DDHD1: variants seen among roughly 807,000 people sequenced by gnomAD.
DDHD1 encodes phospholipase DDHD1.
Under a neutral mutation model 96.4 loss-of-function variants are expected in DDHD1, and 49 were observed. The observed-to-expected ratio is 0.51, with a 90% confidence interval of 0.40 to 0.64. DDHD1 has a LOEUF of 0.64. DDHD1 is among the 30% of genes least tolerant of loss of function. The pLI is 0.00. For synonymous variants in DDHD1, 442 were observed against 446.5 expected, an observed-to-expected ratio of 0.99 and a Z score of 0.13; for missense variants, 1,106 against 1,161.2, an observed-to-expected ratio of 0.95 and a Z score of 0.69.
At chr14:53,108,953 T>C (rs1273457598) in intron 1 of DDHD1, among the ~76,000 whole-genome samples, 2 of 152,236 alleles carry the variant, frequency 1.3e-5, no homozygotes, top group African/African-American at 2.4e-5. Context: ...CAAATTTTTA[T>C]ATTCCTCTTA....
intron 6 of DDHD1, among the ~76,000 whole-genome samples, chr14:53,063,714 ATGAT>A (rs1412404240): frequency 1.3e-5 from 2 of 152,110 alleles, no homozygotes; most frequent in African/African-American, 2.4e-5. Context: ...AGGCCACTGA[ATGAT>A]TGAAGAAAAA....
intron 4 of DDHD1, among the ~76,000 whole-genome samples, chr14:53,082,877 C>A (rs571598161): frequency 6.6e-6 from 1 of 151,074 alleles, no homozygotes; most frequent in East Asian, 1.9e-4. Flanking sequence ...TCAAGCAATC[C>A]AAAATACATT....
chr14:53,072,771 A>T, intron 5 of DDHD1, 68 bp from the exon 6 acceptor site: 4 of 1,012,082 alleles, frequency 4.0e-6, no homozygotes, highest in Non-Finnish European at 5.9e-6. Context: ...GTAATAGTGA[A>T]GAAAATTACG....
chr14:53,099,218 C>T (rs1280695776), intron 2 of DDHD1, among the ~76,000 whole-genome samples: 4 of 152,100 alleles, frequency 2.6e-5, no homozygotes, highest in Admixed American at 2.6e-4. Context: ...TATCCTTCAT[C>T]CAGCTTCTCC....
intron 1 of DDHD1, among the ~76,000 whole-genome samples, chr14:53,112,098 C>T (rs1267449367): frequency 6.6e-6 from 1 of 152,108 alleles, no homozygotes; most frequent in Non-Finnish European, 1.5e-5. Context: ...TACTGCTAAT[C>T]TGTATCAGTC....
chr14:53,106,729 A>G (rs1274874627), intron 1 of DDHD1, among the ~76,000 whole-genome samples: 1 of 152,130 alleles, frequency 6.6e-6, no homozygotes, highest in Non-Finnish European at 1.5e-5. Context: ...CCCTCTCAAG[A>G]GGCCCAGGAA....
At chr14:53,053,182 G>A (rs534230727) in intron 11 of DDHD1, 1 of 151,896 alleles carries the variant, frequency 6.6e-6, no homozygotes, top group South Asian at 2.1e-4. Flanking sequence ...AAAATTCTTT[G>A]AAATTAATTT....
intron 1 of DDHD1, among the ~76,000 whole-genome samples, chr14:53,151,635 A>G (rs1392194985): frequency 1.3e-5 from 2 of 152,232 alleles, no homozygotes; most frequent in East Asian, 3.8e-4. Flanking sequence ...TTCAAGGTTA[A>G]GATGCAAACA....
chr14:53,090,576 G>C (rs1485130821), intron 4 of DDHD1, among the ~76,000 whole-genome samples: 2 of 152,178 alleles, frequency 1.3e-5, no homozygotes, highest in Non-Finnish European at 1.5e-5. Flanking sequence ...CCTTTGTATG[G>C]ACATGGATGT....
chr14:53,134,402 A>G (rs1463282938), intron 1 of DDHD1, among the ~76,000 whole-genome samples: 1 of 151,984 alleles, frequency 6.6e-6, no homozygotes, highest in Non-Finnish European at 1.5e-5. Flanking sequence ...ACGAAGTCCT[A>G]TTCTTTACTT....
chr14:53,108,659 A>C (rs1887880258), intron 1 of DDHD1, among the ~76,000 whole-genome samples: 1 of 152,242 alleles, frequency 6.6e-6, no homozygotes, highest in South Asian at 2.1e-4. Context: ...CTGAAACTGC[A>C]GAAAGCGAAA....
intron 1 of DDHD1, among the ~76,000 whole-genome samples, chr14:53,118,639 C>G (rs1405029043): frequency 4.6e-5 from 7 of 152,040 alleles, no homozygotes; most frequent in Non-Finnish European, 8.8e-5. Context: ...ACAAACAAAG[C>G]CTCCAAGAAA....
rs1173615103 is a variant in DDHD1 at position 53,044,684 on chromosome 14, G to A, written c.*2084C>T. The A allele has an allele frequency of 4.6e-5, 7 of 152,150 alleles. No homozygotes were observed. The allele number at this position is 152,150 out of a possible 1,614,324, so 9.4% of individuals were successfully genotyped here. A position where few individuals can be genotyped will look rare whatever the true frequency, so the allele number is the denominator to read the frequency against. ...TTTCATCAAAAGCCTTTTATAGCAA[G>A]GGTTTCTTAGTGAGTCACATACTTG... On this transcript the variant is annotated 3_prime_UTR_variant, in exon 13 of 13. Coordinates refer to ENST00000673822, the MANE Select transcript of DDHD1 (RefSeq NM_001160148.2).
intron 9 of DDHD1, among the ~76,000 whole-genome samples, 193 bp from the exon 10 acceptor site, chr14:53,056,105 T>C (rs1423411617): frequency 1.3e-5 from 2 of 152,204 alleles, no homozygotes; most frequent in East Asian, 3.8e-4. Context: ...GATGAGATTA[T>C]GAAAAACAGT....
chr14:53,131,019 T>C (rs2139838820), intron 1 of DDHD1, among the ~76,000 whole-genome samples: 1 of 152,304 alleles, frequency 6.6e-6, no homozygotes, highest in South Asian at 2.1e-4. Flanking sequence ...TTCCCTTGTC[T>C]CCATAACTGT....
chr14:53,093,499 T>C, intron 2 of DDHD1, 55 bp from the exon 3 acceptor site: 5 of 1,583,156 alleles, frequency 3.2e-6, no homozygotes, highest in African/African-American at 1.4e-5. Flanking sequence ...CTTTATTTGT[T>C]TGAAGAATTA....
At chr14:53,083,547 A>G (rs925644899) in intron 4 of DDHD1, among the ~76,000 whole-genome samples, 1 of 152,232 alleles carries the variant, frequency 6.6e-6, no homozygotes, top group Non-Finnish European at 1.5e-5. Context: ...TGAACTAATC[A>G]TTAGCAAGTT....
intron 4 of DDHD1, among the ~76,000 whole-genome samples, chr14:53,085,166 G>A (rs7143059): frequency 0.077 from 11,770 of 152,272 alleles, 1,197 homozygotes; most frequent in African/African-American, 0.23. Flanking sequence ...AGGCCCGCAC[G>A]CCTCTGTAGA....
chr14:53,091,189 C>A (rs1323150773), intron 4 of DDHD1, among the ~76,000 whole-genome samples: 1 of 152,184 alleles, frequency 6.6e-6, no homozygotes, highest in Admixed American at 6.5e-5. Context: ...CATGCCCTTT[C>A]AACAAAGTTG....
Sources: allele counts gnomAD v4.1 joint callset (sites outside exome capture counted in the v4.1 genomes callset), GRCh38; gene constraint gnomAD v4.1.1; transcripts MANE v1.5; gene names NCBI Gene and HGNC (gene_info 2026-07-23, HGNC 2026-07-21).